SYCP2: variants seen among roughly 807,000 people sequenced by gnomAD.
SYCP2 encodes the protein synaptonemal complex lateral element protein.
Under a neutral mutation model 211.3 loss-of-function variants are expected in SYCP2, and 55 were observed. The observed-to-expected ratio is 0.26, with a 90% CI of 0.21 to 0.33. The LOEUF is 0.33. SYCP2 is among the 10% of genes least tolerant of loss of function. The pLI is 1.00. For synonymous variants in SYCP2, 570 were observed against 555.2 expected, an observed-to-expected ratio of 1.03 and a Z score of -0.37; for missense variants, 1,731 against 1,752.0, an observed-to-expected ratio of 0.99 and a Z score of 0.21.
At chr20:59,885,135 C>T (rs1367820362) in intron 26 of SYCP2, 1 of 152,006 alleles carries the variant, frequency 6.6e-6, no homozygotes, top group South Asian at 2.1e-4. Context: ...TTCAGTTAAA[C>T]ATGACATGCC....
In SYCP2 at chr20:59,881,505, TA is replaced by T; in HGVS notation, c.2659-14del. The T allele has an allele frequency of 2.2e-6, 3 of 1,393,284 alleles. No individual in the cohort carries two copies. Among genetic ancestry groups the T allele is most frequent in the Non-Finnish European group, 2.9e-6 (3 of 1,038,874 alleles). The allele number at this position is 1,393,284 out of a possible 1,614,324, so 86.3% of individuals were successfully genotyped here. ...GAAACTCTTGGATCTATATTGTAAA[TA>T]AACAAAAAAAAAGAGGTGTCAGTGT... On this transcript the variant is annotated splice_polypyrimidine_tract_variant and intron_variant, in intron 28 of 44. Coordinates refer to ENST00000357552, the MANE Select transcript of SYCP2 (RefSeq NM_014258.4).
chr20:59,871,617 A>C (rs987977596), intron 35 of SYCP2, among the ~76,000 whole-genome samples: 1 of 151,918 alleles, frequency 6.6e-6, no homozygotes, highest in African/African-American at 2.4e-5. Flanking sequence ...AGAATGACAG[A>C]AACAAAGGGA....
chr20:59,878,029 C>T lies in SYCP2; in HGVS notation c.2958G>A (p.Lys986=), dbSNP rs756478593. 6.2e-7 allele frequency: 1 copy of T among 1,605,594 alleles called. No homozygotes were observed. Among genetic ancestry groups the T allele is most frequent in the South Asian group, 1.1e-5 (1 of 89,690 alleles). ...TTACCATTTTAGAGCTTGGCTGTCC[C>T]TTTTCCAAGGATGATCCTGTAATTC... ...KSGKSRSSLE[K]GQPSSKMTPS... Residue 986 remains lysine, a synonymous_variant, in exon 32 of 45, where the codon AAG becomes AAA. Coordinates refer to ENST00000357552, the MANE Select transcript of SYCP2 (RefSeq NM_014258.4).
rs1568917710 is a variant in SYCP2, at chr20:59,877,373, G to A, written c.3150+12C>T. The A allele has an allele frequency of 2.0e-6, 3 of 1,530,778 alleles. No homozygotes were observed. Among genetic ancestry groups the A allele is most frequent in the Admixed American group, 4.8e-5 (2 of 42,016 alleles). The allele number at this position is 1,530,778 out of a possible 1,614,324, so 94.8% of individuals were successfully genotyped here. ...AGGCTTTTAGAAATTAATCTGAACT[G>A]TATCTATTTACCTTTACTGGTATGT... On this transcript the variant is annotated intron_variant, in intron 33 of 44. Transcript: ENST00000357552.
intron 38 of SYCP2, 68 bp from the exon 39 acceptor site, chr20:59,867,915 C>A (rs1028412409): frequency 8.5e-7 from 1 of 1,182,486 alleles, no homozygotes; most frequent in Admixed American, 2.3e-5. Context: ...TGTAATTAGG[C>A]TAAGAACAAA....
At chr20:59,922,885 C>A (rs111946400) in intron 2 of SYCP2, among the ~76,000 whole-genome samples, 10 of 151,544 alleles carry the variant, frequency 6.6e-5, no homozygotes, top group African/African-American at 2.2e-4. Context: ...GATATACTAA[C>A]AATGAACAGG....
chr20:59,872,271 C>T (rs1452746790), intron 35 of SYCP2, among the ~76,000 whole-genome samples: 8 of 151,880 alleles, frequency 5.3e-5, no homozygotes. Flanking sequence ...CTGTGTGGTG[C>T]CATGAAATCT....
In SYCP2 at chr20:59,900,669, A is replaced by C. The variant is rs559754566; in HGVS notation, c.1257+75T>G. 84 of 1,145,454 alleles carry C rather than the reference A, an allele frequency of 7.3e-5. No homozygotes were observed. In the African/African-American group the frequency reaches 1.0e-3, roughly 14 times the overall value. 71.0% of individuals were successfully genotyped at this position (1,145,454 alleles called of 1,614,324 possible). On this transcript the variant is annotated intron_variant, in intron 17 of 44. Transcript: ENST00000357552. ...TTTTCTATATATTCACCCTCCAACA[A>C]CACCTTTATTACTGTTCCATTAGTT...
chr20:59,881,059 T>C, intron 29 of SYCP2, 36 bp from the exon 30 acceptor site: 1 of 1,202,074 alleles, frequency 8.3e-7, no homozygotes, highest in South Asian at 1.4e-5. Context: ...AAAAATACCC[T>C]TCATACTTGT....
intron 14 of SYCP2, among the ~76,000 whole-genome samples, chr20:59,911,164 A>G (rs752259529): frequency 2.0e-5 from 3 of 152,202 alleles, no homozygotes; most frequent in Admixed American, 6.5e-5. Context: ...ATGTATGCAA[A>G]TGTATCAAAT....
intron 29 of SYCP2, 151 bp downstream of exon 29, chr20:59,881,286 G>C (rs1383836649): frequency 5.0e-6 from 3 of 597,088 alleles, no homozygotes; most frequent in Non-Finnish European, 8.7e-6. Flanking sequence ...AATTTAAAGA[G>C]TAAATGTTGA....
chr20:59,871,878 T>A (rs979112762), intron 35 of SYCP2, among the ~76,000 whole-genome samples: 1 of 152,028 alleles, frequency 6.6e-6, no homozygotes, highest in Non-Finnish European at 1.5e-5. Flanking sequence ...TATATTGTTG[T>A]CTGTGGTTGA....
intron 20 of SYCP2, 26 bp from the exon 21 acceptor site, chr20:59,893,619 G>A (rs753385459): frequency 1.4e-5 from 22 of 1,543,912 alleles, no homozygotes; most frequent in Middle Eastern, 3.4e-4. Context: ...ACAGGTTAAC[G>A]TAAACTTAAG....
chr20:59,882,733 C>A (rs1412068944), intron 26 of SYCP2, among the ~76,000 whole-genome samples: 1 of 151,860 alleles, frequency 6.6e-6, no homozygotes, highest in Non-Finnish European at 1.5e-5. Context: ...AAAAGTGAAT[C>A]TTATGGAGAT....
chr20:59,880,939 T>C (rs1017391332), intron 30 of SYCP2, 27 bp downstream of exon 30: 12 of 1,053,370 alleles, frequency 1.1e-5, no homozygotes, highest in African/African-American at 4.9e-5. Context: ...CTACTTCTAA[T>C]AGACATATTG....
intron 21 of SYCP2, 129 bp downstream of exon 21, chr20:59,893,395 A>G: frequency 1.3e-6 from 1 of 795,428 alleles, no homozygotes; most frequent in South Asian, 1.9e-5. Flanking sequence ...AATTCCTTGC[A>G]CAAAGTCAAA....
intron 31 of SYCP2, among the ~76,000 whole-genome samples, chr20:59,878,571 G>A (rs571119743): frequency 2.0e-5 from 3 of 152,080 alleles, no homozygotes; most frequent in South Asian, 2.1e-4. Context: ...ATCTACTTAC[G>A]TATGCTCTCT....
Position 59,895,561 on chromosome 20 carries a change from A to G in SYCP2, c.1541T>C (p.Leu514Pro), listed in dbSNP as rs2059992206. ...TTTCTCTGCAGAGCTCGTCATTTGCAGTGGTGGTTTAATTCTTCTTCTTCG... is the reference window on the plus strand; with the variant it reads ...TTTCTCTGCAGAGCTCGTCATTTGCGGTGGTGGTTTAATTCTTCTTCTTCG... ...PPRRRRIKPP[L>P]QMTSSAEKPS... The change falls in exon 20 of 45, where the codon CTG becomes CCG. Residue 514 changes from leucine to proline, a missense_variant. Physicochemically the swap from Leu to Pro is moderately conservative, Grantham distance 98. Around this residue, in one of 3 missense-constraint regions of SYCP2, gnomAD observed 1,387 missense variants for 1,351.3 expected, o/e 1.03. Transcript: ENST00000357552. 9 of 1,613,136 alleles carry G rather than the reference A, an allele frequency of 5.6e-6. No homozygotes were observed. Among genetic ancestry groups the G allele is most frequent in the Non-Finnish European group, 7.6e-6 (9 of 1,179,512 alleles).
Position 59,931,792 on chromosome 20 carries a change from T to TAC in SYCP2, c.-47+268_-47+269dup, listed in dbSNP as rs145920091. ...AGGAAAGCAAACTGAATAATCAGGT[T>TAC]ACACACACACACACACGCATGCCTC... is the stretch of plus-strand genomic sequence containing the variant. On this transcript the variant is annotated intron_variant, in intron 2 of 44. Coordinates refer to ENST00000357552, the MANE Select transcript of SYCP2 (RefSeq NM_014258.4). Among the ~76,000 whole-genome samples, 1,386 of 151,128 alleles carry TAC rather than the reference T, an allele frequency of 9.2e-3. 12 individuals carry two copies. Among genetic ancestry groups the TAC allele is most frequent in the African/African-American group, 0.023 (933 of 41,270 alleles).
Sources: gnomAD v4.1 joint callset for allele counts (sites outside exome capture counted in the v4.1 genomes callset) on GRCh38, gnomAD v4.1.1 for gene constraint, gnomAD v4.1.1 regional missense constraint, MANE v1.5 for transcripts, NCBI Gene and HGNC (gene_info 2026-07-23, HGNC 2026-07-21) for gene names.